The following FDPS variants were observed in gnomAD, a reference collection of about 807,000 sequenced individuals.
FDPS encodes the protein farnesyl diphosphate synthase, also known as farnesyl pyrophosphate synthase.
Under a neutral mutation model 49.5 loss-of-function variants are expected in FDPS, and 29 were observed. That is an observed-to-expected ratio of 0.59 (90% CI 0.44 to 0.80). FDPS has a LOEUF of 0.80. Among genes scored for constraint, FDPS ranks in the 30% least tolerant of loss-of-function variants. FDPS has a pLI of 0.00. For synonymous variants in FDPS, 172 were observed against 206.4 expected, an observed-to-expected ratio of 0.83 and a Z score of 1.43; for missense variants, 414 against 525.6, an observed-to-expected ratio of 0.79 and a Z score of 2.08.
In FDPS at chr1:155,318,510, A is replaced by G. The variant is rs936461765; in HGVS notation, c.685-155A>G. On this transcript the variant is annotated intron_variant, in intron 6 of 10. Coordinates refer to ENST00000368356, the MANE Select transcript of FDPS (RefSeq NM_002004.4). The surrounding 1 kb of genome is among the most constrained non-coding windows in gnomAD (Gnocchi z 4.2). ...GAAAGGGTGATAAAGGACTGTGTGT[A>G]TGAATATGGGCCTTAAGTTTTGGGG... 2.5e-6 allele frequency: 2 copies of G among 811,846 alleles called. No homozygotes were observed. Among genetic ancestry groups the G allele is most frequent in the South Asian group, 1.5e-5 (1 of 66,788 alleles). 50.3% of individuals were successfully genotyped at this position (811,846 alleles called of 1,614,324 possible). A position where few individuals can be genotyped will look rare whatever the true frequency, so the allele number is the denominator to read the frequency against.
chr1:155,319,384 C>T (rs1331276793), intron 8 of FDPS, among the ~76,000 whole-genome samples: 6 of 152,178 alleles, frequency 3.9e-5, no homozygotes, highest in Non-Finnish European at 5.9e-5. Flanking sequence ...GGCTGTGCAC[C>T]TCTAGAATGG....
Position 155,319,878 on chromosome 1 carries a change from G to A in FDPS, c.1009G>A (p.Val337Met). ...CCAGGACAACAAATGCAGCTGGCTGGTGGTTCAGTGTCTGCAACGGGCCAC... is the reference window on the plus strand; with the variant it reads ...CCAGGACAACAAATGCAGCTGGCTGATGGTTCAGTGTCTGCAACGGGCCAC... The part of the protein sequence containing the change: ...DIQDNKCSWL[V>M]VQCLQRATPE... The change falls in exon 10 of 11, where the codon GTG (valine) becomes ATG (methionine). Residue 337 changes from valine to methionine, a missense_variant. By Grantham distance (21) the Val-to-Met change is conservative. Transcript: ENST00000368356. The A allele has an allele frequency of 6.2e-7, 1 of 1,614,176 alleles. No individual in the cohort carries two copies. The highest frequency in any genetic ancestry group is 8.5e-7 in the Non-Finnish European group (1 of 1,180,040).
chr1:155,317,749 T>G, intron 4 of FDPS, 192 bp from the exon 5 acceptor site: 2 of 540,894 alleles, frequency 3.7e-6, no homozygotes, highest in East Asian at 3.1e-5. Flanking sequence ...GAAGCTGAAG[T>G]GGGAGGATCA....
At chr1:155,317,571 C>T (rs1479166096) in intron 4 of FDPS, 4 of 185,792 alleles carry the variant, frequency 2.2e-5, no homozygotes, top group African/African-American at 4.8e-5. Context: ...TGTGATGCCT[C>T]ATGCCTGTAA....
intron 4 of FDPS, chr1:155,313,006 CAG>C (rs1385089397): frequency 6.9e-6 from 1 of 144,220 alleles, no homozygotes; most frequent in Non-Finnish European, 1.5e-5. Flanking sequence ...AAAAAGGTGA[CAG>C]AGGTCTTCCA....
At position 155,313,936 on chromosome 1, in the gene FDPS, A is replaced by C. The variant is rs372972572; in HGVS notation, c.480+1541A>C. 2.7e-5 allele frequency among the ~76,000 whole-genome samples: 4 copies of C among 150,184 alleles called. No individual in the cohort carries two copies. The South Asian group carries it at 8.4e-4, about 32-fold the overall frequency. On this transcript the variant is annotated intron_variant, in intron 4 of 10. Transcript: ENST00000368356. ...CAGGTTCAAGCAATTCTCCTGCCTC[A>C]GTCTCCTAAGTAGCTGGGATTATAG...
chr1:155,319,959 T>G (rs1650102677), intron 10 of FDPS, 31 bp downstream of exon 10: 1 of 1,611,120 alleles, frequency 6.2e-7, no homozygotes, highest in South Asian at 1.1e-5. Flanking sequence ...GGTCCCTGAG[T>G]TGGTGGAAAG....
chr1:155,312,107 GT>G (rs1482768322), intron 3 of FDPS, 147 bp from the exon 4 acceptor site: 1 of 863,280 alleles, frequency 1.2e-6, no homozygotes, highest in Non-Finnish European at 1.8e-6. Context: ...AGTAAAGACA[GT>G]AGCAATTCCA....
intron 4 of FDPS, among the ~76,000 whole-genome samples, chr1:155,315,670 C>A (rs1381435845): frequency 6.6e-6 from 1 of 150,492 alleles, no homozygotes; most frequent in Non-Finnish European, 1.5e-5. Flanking sequence ...GCAACAAGAG[C>A]GAGACTCTGT....
chr1:155,309,464 C>T (rs1648551579), intron 1 of FDPS: 1 of 238,966 alleles, frequency 4.2e-6, no homozygotes, highest in African/African-American at 2.2e-5. Flanking sequence ...AATAGGATGA[C>T]TTAAGGGTCC....
chr1:155,318,889 C>T lies in FDPS; in HGVS notation c.807C>T (p.Phe269=), dbSNP rs776581273. ...YKSIVKYKTA[F]YSFYLPIAAA... ...CTATTGTCAAGTACAAGACAGCTTT[C>T]TACTCCTTCTACCTTCCTATAGCTG... Residue 269 remains phenylalanine, a synonymous_variant, in exon 8 of 11, where the codon TTC becomes TTT. Transcript: ENST00000368356. This position sits in a 1 kb window ranked among gnomAD's most constrained non-coding sequence, Gnocchi z 4.2. 5.0e-6 allele frequency: 8 copies of T among 1,613,694 alleles called. No homozygotes were observed. The highest frequency in any genetic ancestry group is 6.8e-6 in the Non-Finnish European group (8 of 1,179,696).
chr1:155,315,545 T>C (rs1180160356), intron 4 of FDPS, among the ~76,000 whole-genome samples: 1 of 151,942 alleles, frequency 6.6e-6, no homozygotes, highest in Non-Finnish European at 1.5e-5. Flanking sequence ...TAGCCGGGCA[T>C]GGTGGCAGGC....
At position 155,308,868 on chromosome 1, in the gene FDPS, G is replaced by T; in HGVS notation, c.-99G>T. 1 of 343,792 alleles carries T rather than the reference G, an allele frequency of 2.9e-6. No homozygotes were observed. The highest frequency in any genetic ancestry group is 4.1e-6 in the Non-Finnish European group (1 of 243,070). 21.3% of individuals were successfully genotyped at this position (343,792 alleles called of 1,614,324 possible). On this transcript the variant is annotated 5_prime_UTR_variant, in exon 1 of 11. Coordinates refer to ENST00000368356, the MANE Select transcript of FDPS (RefSeq NM_002004.4). The stretch of plus-strand genomic sequence containing the variant: ...TCCGCCCTTAGTGTGGGGAGAGCGG[G>T]AACTACTCGACCCACAGAGCCGATC...
Position 155,319,380 on chromosome 1 carries a change from G to T in FDPS, c.847-231G>T, listed in dbSNP as rs1458697060. Reference sequence around the variant, plus strand: ...ATTTGTGAGGGAAGAGACAGGCTGTGCACCTCTAGAATGGATTCATCTCTT... The same window carrying T: ...ATTTGTGAGGGAAGAGACAGGCTGTTCACCTCTAGAATGGATTCATCTCTT... On this transcript the variant is annotated intron_variant, in intron 8 of 10. Coordinates refer to ENST00000368356, the MANE Select transcript of FDPS (RefSeq NM_002004.4). Among the ~76,000 whole-genome samples the T allele has an allele frequency of 3.3e-5, 5 of 152,242 alleles. No homozygotes were observed. The East Asian group carries it at 9.6e-4, about 29-fold the overall frequency.
At chr1:155,314,426 A>G (rs745664414) in intron 4 of FDPS, among the ~76,000 whole-genome samples, 21 of 150,978 alleles carry the variant, frequency 1.4e-4, no homozygotes, top group African/African-American at 4.9e-4. Flanking sequence ...TGATCTGCCC[A>G]TCTCGGCCTC....
At chr1:155,317,804 A>T in intron 4 of FDPS, 137 bp from the exon 5 acceptor site, 1 of 648,008 alleles carries the variant, frequency 1.5e-6, no homozygotes, top group South Asian at 1.9e-5. Context: ...TGACTGCACC[A>T]CTGCACTGGA....
chr1:155,318,256 C>A lies in FDPS; in HGVS notation c.649C>A (p.Pro217Thr). 3 of 1,613,548 alleles carry A rather than the reference C, an allele frequency of 1.9e-6. No homozygotes were observed. In the South Asian group the frequency reaches 3.3e-5, roughly 18 times the overall value. Reference sequence around the variant, plus strand: ...GCTGAAGCTCTATTGCCGGGAGCAGCCCTATTACCTGAACCTGATCGAGCT... The same window carrying A: ...GCTGAAGCTCTATTGCCGGGAGCAGACCTATTACCTGAACCTGATCGAGCT... ...RLLKLYCREQ[P>T]YYLNLIELFL... The change falls in exon 6 of 11, where the codon CCC becomes ACC. Residue 217 changes from proline (P) to threonine (T), a missense_variant. Physicochemically the swap from Pro to Thr is conservative, Grantham distance 38. Transcript: ENST00000368356. This position sits in a 1 kb window ranked among gnomAD's most constrained non-coding sequence, Gnocchi z 4.2.
Position 155,319,942 on chromosome 1 carries a change from G to A in FDPS, c.1059+14G>A, listed in dbSNP as rs1473074638. 2 of 1,613,138 alleles carry A rather than the reference G, an allele frequency of 1.2e-6. No individual in the cohort carries two copies. The highest frequency in any genetic ancestry group is 1.3e-5 in the African/African-American group (1 of 74,910). On this transcript the variant is annotated intron_variant, in intron 10 of 10. Coordinates refer to ENST00000368356, the MANE Select transcript of FDPS (RefSeq NM_002004.4). ...CAGATCCTGAAGGTGCCTGAGAGAGGGTGGTGGGTCCCTGAGTTGGTGGAA... is the reference window on the plus strand; with the variant it reads ...CAGATCCTGAAGGTGCCTGAGAGAGAGTGGTGGGTCCCTGAGTTGGTGGAA...
intron 8 of FDPS, 74 bp from the exon 9 acceptor site, chr1:155,319,537 C>G (rs1649991525): frequency 1.3e-6 from 2 of 1,498,248 alleles, no homozygotes; most frequent in Non-Finnish European, 1.9e-6. Context: ...TAGGGCAAGA[C>G]CCCATGGGAG....
Sources: allele counts gnomAD v4.1 joint callset (sites outside exome capture counted in the v4.1 genomes callset), GRCh38; gene constraint gnomAD v4.1.1; non-coding constraint Gnocchi (gnomAD v3.1); transcripts MANE v1.5; gene names NCBI Gene and HGNC (gene_info 2026-07-23, HGNC 2026-07-21).